The following NKAIN2 variants were observed in gnomAD, a reference collection of about 807,000 sequenced individuals.
NKAIN2 encodes sodium/potassium transporting ATPase interacting 2.
Under a neutral mutation model 32.6 loss-of-function variants are expected in NKAIN2, and 14 were observed. The observed-to-expected ratio is 0.43, with a 90% CI of 0.28 to 0.67. The LOEUF (loss-of-function observed/expected upper bound fraction) is 0.67, where lower values mean the gene tolerates loss of function less well. NKAIN2 is among the 30% of genes least tolerant of loss of function. The probability of loss-of-function intolerance (pLI) is 0.17; values close to 1 mark genes in which losing one functional copy is unlikely to be tolerated. For missense variants in NKAIN2, 198 were observed against 258.3 expected, an observed-to-expected ratio of 0.77 and a Z score of 1.60; for synonymous variants, 80 against 87.2, an observed-to-expected ratio of 0.92 and a Z score of 0.46.
chr6:123,891,809 TCTTG>T (rs1005858823), intron 1 of NKAIN2, among the ~76,000 whole-genome samples: 1 of 152,254 alleles, frequency 6.6e-6, no homozygotes, highest in Non-Finnish European at 1.5e-5. Flanking sequence ...AATTTCTATT[TCTTG>T]CTTTACTTTT....
chr6:124,546,871 A>G (rs1434283844), intron 3 of NKAIN2, among the ~76,000 whole-genome samples: 1 of 152,188 alleles, frequency 6.6e-6, no homozygotes, highest in Non-Finnish European at 1.5e-5. Flanking sequence ...ATAAACAGAG[A>G]GAAAGCAGAT....
intron 1 of NKAIN2, among the ~76,000 whole-genome samples, chr6:123,940,090 A>G (rs1776744926): frequency 6.6e-6 from 1 of 151,836 alleles, no homozygotes; most frequent in African/African-American, 2.4e-5. Flanking sequence ...AGAAGCATAC[A>G]TTAAAAAATT....
At chr6:124,212,664 C>T (rs1562425674) in intron 1 of NKAIN2, among the ~76,000 whole-genome samples, 1 of 152,016 alleles carries the variant, frequency 6.6e-6, no homozygotes, top group Non-Finnish European at 1.5e-5. Flanking sequence ...TTCAAATTTC[C>T]ACATTTTTGA....
chr6:124,395,431 A>G (rs112375702), intron 3 of NKAIN2, among the ~76,000 whole-genome samples: 2,148 of 152,318 alleles, frequency 0.014, 40 homozygotes, highest in African/African-American at 0.049. Flanking sequence ...TACACTTATA[A>G]CAAGTTACTA....
chr6:124,124,455 GAAT>G (rs1786056387), intron 1 of NKAIN2, among the ~76,000 whole-genome samples: 1 of 152,080 alleles, frequency 6.6e-6, no homozygotes, highest in Non-Finnish European at 1.5e-5. Context: ...TATTTGTTAT[GAAT>G]AATAGTCCTG....
chr6:124,388,855 T>G (rs1773025717), intron 3 of NKAIN2, among the ~76,000 whole-genome samples: 1 of 152,062 alleles, frequency 6.6e-6, no homozygotes, highest in South Asian at 2.1e-4. Context: ...ATGCTTTTTT[T>G]GTCAGTGATT....
intron 6 of NKAIN2, among the ~76,000 whole-genome samples, chr6:124,821,092 C>T (rs1431743948): frequency 1.3e-5 from 2 of 151,966 alleles, no homozygotes; most frequent in Non-Finnish European, 2.9e-5. Flanking sequence ...GTCAGGAGTT[C>T]GAGAGCAGCC....
chr6:124,308,985 G>A (rs1334976873), intron 2 of NKAIN2, among the ~76,000 whole-genome samples: 3 of 152,178 alleles, frequency 2.0e-5, no homozygotes, highest in Admixed American at 1.3e-4. Context: ...AATACCTATC[G>A]ACTTGGAAAA....
In NKAIN2 at chr6:124,235,821, A is replaced by T. The variant is rs976448477; in HGVS notation, c.55-47184A>T. On this transcript the variant is annotated intron_variant, in intron 1 of 6. Transcript: ENST00000368417. The stretch of plus-strand genomic sequence containing the variant: ...ACCATGTTGGCCAGGCTGTTCTCAA[A>T]CTCCTGACCTCATGATCCGCCCATC... 2.0e-5 allele frequency among the ~76,000 whole-genome samples: 3 copies of T among 150,798 alleles called. No individual in the cohort carries two copies. The East Asian group carries it at 5.9e-4, about 30-fold the overall frequency.
At chr6:124,559,219 C>T (rs188543721) in intron 3 of NKAIN2, among the ~76,000 whole-genome samples, 46 of 152,226 alleles carry the variant, frequency 3.0e-4, no homozygotes, top group Admixed American at 1.4e-3. Flanking sequence ...AACCAATACA[C>T]GTTTATTCTC....
intron 1 of NKAIN2, among the ~76,000 whole-genome samples, chr6:123,911,557 A>G (rs573627708): frequency 6.6e-6 from 1 of 151,854 alleles, no homozygotes; most frequent in Non-Finnish European, 1.5e-5. Flanking sequence ...CCCCACCTTC[A>G]ACACTGGGGA....
intron 1 of NKAIN2, among the ~76,000 whole-genome samples, chr6:124,268,576 G>T (rs1794609067): frequency 6.6e-6 from 1 of 151,962 alleles, no homozygotes; most frequent in Non-Finnish European, 1.5e-5. Flanking sequence ...CTGGTATTTT[G>T]TGTTGTTTTA....
chr6:124,597,099 C>T (rs1419737512), intron 3 of NKAIN2, among the ~76,000 whole-genome samples: 1 of 152,144 alleles, frequency 6.6e-6, no homozygotes, highest in Non-Finnish European at 1.5e-5. Context: ...AGTCTTCTGA[C>T]TCAAATGTTA....
chr6:123,821,698 G>T (rs1325119316), intron 1 of NKAIN2, among the ~76,000 whole-genome samples: 2 of 152,154 alleles, frequency 1.3e-5, no homozygotes, highest in Non-Finnish European at 2.9e-5. Flanking sequence ...CAAGCGGGGG[G>T]CCCGAGGGCT....
intron 1 of NKAIN2, among the ~76,000 whole-genome samples, chr6:124,259,053 A>T (rs1357213889): frequency 6.6e-6 from 1 of 152,132 alleles, no homozygotes; most frequent in Admixed American, 6.5e-5. Context: ...TAAATGTTGC[A>T]TGGAGGTGGT....
intron 4 of NKAIN2, among the ~76,000 whole-genome samples, chr6:124,719,425 C>A (rs1055521707): frequency 6.6e-6 from 1 of 152,098 alleles, no homozygotes; most frequent in Admixed American, 6.5e-5. Context: ...CTTTTGCAAT[C>A]ATCAATGACT....
chr6:124,500,130 T>C (rs1445248006), intron 3 of NKAIN2, among the ~76,000 whole-genome samples: 1 of 152,202 alleles, frequency 6.6e-6, no homozygotes, highest in Non-Finnish European at 1.5e-5. Flanking sequence ...CTGAAAAAAC[T>C]ATTTAAATTT....
In NKAIN2 at chr6:124,163,382, C is replaced by T. The variant is rs550285544; in HGVS notation, c.55-119623C>T. Among the ~76,000 whole-genome samples the T allele has an allele frequency of 4.0e-5, 6 of 151,802 alleles. No homozygotes were observed. In the East Asian group the frequency reaches 1.2e-3, roughly 29 times the overall value. On this transcript the variant is annotated intron_variant, in intron 1 of 6. Coordinates refer to ENST00000368417, the MANE Select transcript of NKAIN2 (RefSeq NM_001040214.3). Reference sequence around the variant, plus strand: ...CCATTAAGGCCAATTTTGCAAAAGGCCAACAAGAATGTCTCATTGATATTT... The same window carrying T: ...CCATTAAGGCCAATTTTGCAAAAGGTCAACAAGAATGTCTCATTGATATTT...
intron 1 of NKAIN2, among the ~76,000 whole-genome samples, chr6:123,938,411 TATATATATATATATATA>T (rs1562267209): frequency 5.3e-4 from 37 of 70,094 alleles, no homozygotes; most frequent in Middle Eastern, 6.8e-3. Flanking sequence ...TATATATATA[TATATATATATATATATA>T]TATATATATA....
Sources: allele counts gnomAD v4.1 joint callset (sites outside exome capture counted in the v4.1 genomes callset), GRCh38; gene constraint gnomAD v4.1.1; transcripts MANE v1.5; gene names NCBI Gene and HGNC (gene_info 2026-07-23, HGNC 2026-07-21).